The following TRPM2 variants were observed in gnomAD, a reference collection of about 807,000 sequenced individuals.
TRPM2 encodes estrogen-responsive element-associated gene 1 protein.
Under a neutral mutation model 174.0 loss-of-function variants are expected in TRPM2, and 161 were observed. The observed-to-expected ratio is 0.93, with a 90% CI of 0.81 to 1.05. The LOEUF is 1.05. Among genes scored for constraint, TRPM2 ranks in the 50% least tolerant of loss-of-function variants. The pLI is 0.00. For synonymous variants in TRPM2, 954 were observed against 861.3 expected, an observed-to-expected ratio of 1.11 and a Z score of -1.88; for missense variants, 2,057 against 2,038.0, an observed-to-expected ratio of 1.01 and a Z score of -0.18.
rs778642263 is a variant in TRPM2, at chr21:44,406,684, C to T, written c.2881C>T (p.Arg961Cys). 24 of 1,610,188 alleles carry T rather than the reference C, an allele frequency of 1.5e-5. No homozygotes were observed. The highest frequency in any genetic ancestry group is 1.2e-4 in the South Asian group (11 of 90,888). Residue 961 changes from arginine to cysteine, a missense_variant, in exon 19 of 32, where the codon CGC becomes TGC. Arg to Cys is a radical substitution (Grantham distance 180). Transcript: ENST00000397928. ...GCAGGCCATCCTCATCCACAACGAGCGCCGGGTGGACTGGCTGTTCCGAGG... is the reference window on the plus strand; with the variant it reads ...GCAGGCCATCCTCATCCACAACGAGTGCCGGGTGGACTGGCTGTTCCGAGG... ...AKQAILIHNE[R>C]RVDWLFRGAV...
chr21:44,434,493 C>T (rs1428148927), intron 27 of TRPM2, among the ~76,000 whole-genome samples: 6 of 151,992 alleles, frequency 3.9e-5, no homozygotes, highest in East Asian at 3.9e-4. Flanking sequence ...CCCCACCGCA[C>T]GATAGCGGCA....
At position 44,376,290 on chromosome 21, in the gene TRPM2, C is replaced by T. The variant is rs539750977; in HGVS notation, c.952+277C>T. Among the ~76,000 whole-genome samples, 36 of 152,334 alleles carry T rather than the reference C, an allele frequency of 2.4e-4. No individual in the cohort carries two copies. The highest frequency in any genetic ancestry group is 1.4e-3 in the South Asian group (7 of 4,830). On this transcript the variant is annotated intron_variant, in intron 6 of 31. Transcript: ENST00000397928. This position sits in a 1 kb window ranked among gnomAD's most constrained non-coding sequence, Gnocchi z 4.2. ...TCAGAACACACCTGGGTTTCTTTCC[C>T]GTGTCTCTTTATACTTTGTTCCAGG...
chr21:44,415,340 A>G (rs1475812167), intron 20 of TRPM2: 3 of 152,162 alleles, frequency 2.0e-5, no homozygotes, highest in African/African-American at 4.8e-5. Context: ...GAGGTGGGAA[A>G]TTATCTGGGG....
In TRPM2 at chr21:44,435,460, G is replaced by A. The variant is rs1480415280; in HGVS notation, c.4061+243G>A. Among the ~76,000 whole-genome samples, 3 of 151,994 alleles carry A rather than the reference G, an allele frequency of 2.0e-5. No individual in the cohort carries two copies. In the East Asian group the frequency reaches 5.8e-4, roughly 29 times the overall value. On this transcript the variant is annotated intron_variant, in intron 28 of 31. Coordinates refer to ENST00000397928, the MANE Select transcript of TRPM2 (RefSeq NM_003307.4). ...CCCAGGACCCATCCCCTCTCCCGGG[G>A]CTGCCTTCACTTTCCTGCCGGTCCC...
At chr21:44,403,953 CACACATACATACACACAT>C (rs989529984) in intron 16 of TRPM2, among the ~76,000 whole-genome samples, 1 of 72,924 alleles carries the variant, frequency 1.4e-5, no homozygotes, top group Non-Finnish European at 3.6e-5. Flanking sequence ...TACACATATG[CACACATACATACACACAT>C]GCACATACAC....
rs1351164523 is a variant in TRPM2, at chr21:44,439,468, TGGAGGCC to T, written c.4269+301_4269+307del. Among the ~76,000 whole-genome samples the T allele has an allele frequency of 1.3e-5, 2 of 152,104 alleles. No homozygotes were observed. Among genetic ancestry groups the T allele is most frequent in the Non-Finnish European group, 2.9e-5 (2 of 68,014 alleles). On this transcript the variant is annotated intron_variant, in intron 30 of 31. Transcript: ENST00000397928. The surrounding 1 kb of genome is among the most constrained non-coding windows in gnomAD (Gnocchi z 5.1). ...GCTGCCTTCGAGTGTGACAGCTGCT[TGGAGGCC>T]TGGTGCCGCCCTCCTCCCCACATCC...
intron 23 of TRPM2, 62 bp from the exon 24 acceptor site, chr21:44,424,789 GT>G: frequency 1.8e-6 from 2 of 1,138,318 alleles, no homozygotes; most frequent in South Asian, 1.7e-5. Flanking sequence ...TCGGTGGGCA[GT>G]GGGGTGTGTA....
chr21:44,360,323 G>A (rs887679169), intron 2 of TRPM2, among the ~76,000 whole-genome samples: 1 of 152,176 alleles, frequency 6.6e-6, no homozygotes, highest in African/African-American at 2.4e-5. Context: ...AGCTCCTGCC[G>A]TCCCCAGGCG....
chr21:44,388,749 A>AC (rs2049086718), intron 9 of TRPM2, among the ~76,000 whole-genome samples: 1 of 151,898 alleles, frequency 6.6e-6, no homozygotes, highest in African/African-American at 2.4e-5. Context: ...TGAGCCCAGG[A>AC]CGTTGAGGCT....
At chr21:44,413,461 T>G (rs550246166) in intron 19 of TRPM2, among the ~76,000 whole-genome samples, 49 of 152,312 alleles carry the variant, frequency 3.2e-4, no homozygotes, top group African/African-American at 1.1e-3. Flanking sequence ...CAGGCTGGTC[T>G]CAAACTCCTG....
At chr21:44,379,762 AG>A (rs1238844866) in intron 8 of TRPM2, among the ~76,000 whole-genome samples, 1 of 151,536 alleles carries the variant, frequency 6.6e-6, no homozygotes, top group Non-Finnish European at 1.5e-5. Flanking sequence ...GCCCTTGACC[AG>A]GGGGGTGGGC....
intron 19 of TRPM2, among the ~76,000 whole-genome samples, chr21:44,408,463 C>T (rs2049979339): frequency 6.6e-6 from 1 of 151,836 alleles, no homozygotes; most frequent in Non-Finnish European, 1.5e-5. Flanking sequence ...TCCAATTTCT[C>T]TACCTTCTTG....
In TRPM2 at chr21:44,391,063, G is replaced by T. The variant is rs912914015; in HGVS notation, c.1440+38G>T. The T allele has an allele frequency of 1.9e-6, 3 of 1,612,722 alleles. No homozygotes were observed. The highest frequency in any genetic ancestry group is 2.5e-6 in the Non-Finnish European group (3 of 1,179,606). ...GAGCACCCCGTGGAGGGGCCTACTG[G>T]GCCCACATGCATTGCACCACTGAAG... On this transcript the variant is annotated intron_variant, in intron 10 of 31. Transcript: ENST00000397928. This position sits in a 1 kb window ranked among gnomAD's most constrained non-coding sequence, Gnocchi z 5.0.
intron 16 of TRPM2, among the ~76,000 whole-genome samples, chr21:44,404,615 T>C (rs886698236): frequency 3.3e-5 from 5 of 152,178 alleles, no homozygotes; most frequent in African/African-American, 1.2e-4. Context: ...ATAGTGATGA[T>C]AGTGATAGTG....
intron 5 of TRPM2, among the ~76,000 whole-genome samples, chr21:44,374,692 G>A (rs45472795): frequency 4.6e-5 from 7 of 152,186 alleles, no homozygotes; most frequent in East Asian, 1.9e-4. Flanking sequence ...ATCTAATGCC[G>A]CGGATCTGAC....
rs1048145762 is a variant in TRPM2 at position 44,376,948 on chromosome 21, T to A, written c.953-764T>A. ...ACCAGGGACCACACTTTGAGAACCC[T>A]GCTTGACTAGTAGGAGCACGTTCCC... On this transcript the variant is annotated intron_variant, in intron 6 of 31. Coordinates refer to ENST00000397928, the MANE Select transcript of TRPM2 (RefSeq NM_003307.4). This position sits in a 1 kb window ranked among gnomAD's most constrained non-coding sequence, Gnocchi z 4.2. Among the ~76,000 whole-genome samples, 2 of 150,866 alleles carry A rather than the reference T, an allele frequency of 1.3e-5. No homozygotes were observed. The highest frequency in any genetic ancestry group is 2.9e-5 in the Non-Finnish European group (2 of 67,820).
Position 44,376,068 on chromosome 21 carries a change from G to A in TRPM2, c.952+55G>A. On this transcript the variant is annotated intron_variant, in intron 6 of 31. Coordinates refer to ENST00000397928, the MANE Select transcript of TRPM2 (RefSeq NM_003307.4). This position sits in a 1 kb window ranked among gnomAD's most constrained non-coding sequence, Gnocchi z 4.2. ...GGCAGAGAGCACAGTGGGCTGGTCAGAGTGTCAGGTACAGCTGGTCACGAC... is the reference window on the plus strand; with the variant it reads ...GGCAGAGAGCACAGTGGGCTGGTCAAAGTGTCAGGTACAGCTGGTCACGAC... 1 of 1,582,604 alleles carries A rather than the reference G, an allele frequency of 6.3e-7. No homozygotes were observed. Among genetic ancestry groups the A allele is most frequent in the Non-Finnish European group, 8.6e-7 (1 of 1,160,252 alleles).
intron 30 of TRPM2, among the ~76,000 whole-genome samples, chr21:44,440,405 T>G (rs557642561): frequency 4.1e-5 from 6 of 147,750 alleles, no homozygotes; most frequent in Admixed American, 2.7e-4. Context: ...GAACGTTCCA[T>G]CACCCCAGTC....
chr21:44,441,759 A>T lies in TRPM2; in HGVS notation c.4454A>T (p.Tyr1485Phe). 1 of 1,612,016 alleles carries T rather than the reference A, an allele frequency of 6.2e-7. No homozygotes were observed. The highest frequency in any genetic ancestry group is 1.1e-5 in the South Asian group (1 of 90,454). ...GTGGTGGACAGGCGCATCCCACTCT[A>T]TGCGAACCACAAGACCCTCCTCCAG... ...WQVVDRRIPL[Y>F]ANHKTLLQKA... The change falls in exon 32 of 32, where the codon TAT (tyrosine) becomes TTT (phenylalanine). Residue 1485 changes from tyrosine to phenylalanine, a missense_variant. Coordinates refer to ENST00000397928, the MANE Select transcript of TRPM2 (RefSeq NM_003307.4).
Sources: allele counts gnomAD v4.1 joint callset (sites outside exome capture counted in the v4.1 genomes callset), GRCh38; gene constraint gnomAD v4.1.1; non-coding constraint Gnocchi (gnomAD v3.1); transcripts MANE v1.5; gene names NCBI Gene and HGNC (gene_info 2026-07-23, HGNC 2026-07-21).